The following LINGO1 variants were observed in gnomAD, a reference collection of about 807,000 sequenced individuals.
The protein encoded by LINGO1 is leucine-rich repeat and immunoglobulin-like domain-containing nogo receptor-interacting protein 1.
LINGO1 carries 11 observed loss-of-function variants against 37.3 expected under a neutral mutation model. That is an observed-to-expected ratio of 0.29 (90% confidence interval 0.19 to 0.49). The LOEUF is 0.49. LINGO1 is among the 20% of genes least tolerant of loss of function. LINGO1 has a pLI of 0.99. For synonymous variants in LINGO1, 387 were observed against 403.0 expected, an observed-to-expected ratio of 0.96 and a Z score of 0.48; for missense variants, 585 against 878.2, an observed-to-expected ratio of 0.67 and a Z score of 4.22.
intron 3 of LINGO1, among the ~76,000 whole-genome samples, chr15:77,655,736 G>T (rs543272493): frequency 1.4e-4 from 22 of 152,278 alleles, no homozygotes; most frequent in Admixed American, 3.3e-4. Context: ...TCACACCCAG[G>T]TCTGTCTACC....
At chr15:77,776,552 G>GGCAGGAAAGCAGGAAGGCA (rs2076656202) in intron 1 of LINGO1, among the ~76,000 whole-genome samples, 3 of 145,410 alleles carry the variant, frequency 2.1e-5, no homozygotes, top group Non-Finnish European at 4.5e-5. Flanking sequence ...GAGGGAGGGA[G>GGCAGGAAAGCAGGAAGGCA]GGAGGGAGCT....
chr15:77,798,739 C>A (rs2076893432), intron 1 of LINGO1, among the ~76,000 whole-genome samples: 1 of 152,224 alleles, frequency 6.6e-6, no homozygotes, highest in South Asian at 2.1e-4. Context: ...CTCCTACCTG[C>A]CCTCTTGGCT....
intron 3 of LINGO1, among the ~76,000 whole-genome samples, chr15:77,647,592 C>G (rs2074662213): frequency 6.6e-6 from 1 of 152,152 alleles, no homozygotes; most frequent in Non-Finnish European, 1.5e-5. Flanking sequence ...GCCTTTGAAC[C>G]CAGGTTCCTG....
chr15:77,750,802 C>T (rs537401623), intron 1 of LINGO1, among the ~76,000 whole-genome samples: 23 of 152,306 alleles, frequency 1.5e-4, no homozygotes, highest in Middle Eastern at 6.8e-3. Context: ...TGACATTTAT[C>T]CCACCACTAA....
chr15:77,663,013 T>G (rs1009466), intron 3 of LINGO1, among the ~76,000 whole-genome samples: 2 of 152,070 alleles, frequency 1.3e-5, no homozygotes, highest in Admixed American at 6.5e-5. Flanking sequence ...AAGGTGGGGA[T>G]GCCGGGGGTC....
rs1032185594 is a variant in LINGO1, at chr15:77,622,046, C to T, written c.7-6146G>A. Among the ~76,000 whole-genome samples the T allele has an allele frequency of 2.6e-5, 4 of 152,268 alleles. No homozygotes were observed. The South Asian group carries it at 6.2e-4, about 24-fold the overall frequency. On this transcript the variant is annotated intron_variant, in intron 1 of 1. Coordinates refer to ENST00000355300, the MANE Select transcript of LINGO1 (RefSeq NM_032808.7). ...AAACGAGGTGGGTGTGCGCGGTCCT[C>T]GTCTTGCCTTGATGCCCGCCGTGCC...
In LINGO1 at chr15:77,786,438, T is replaced by C. The variant is rs545325489; in HGVS notation, c.-257+431A>G. Among the ~76,000 whole-genome samples, 301 of 152,224 alleles carry C rather than the reference T, an allele frequency of 2.0e-3. 1 individual carries two copies. The highest frequency in any genetic ancestry group is 6.6e-3 in the African/African-American group (273 of 41,534). On this transcript the variant is annotated intron_variant, in intron 1 of 3. Coordinates refer to the LINGO1 transcript ENST00000561686. ...GCAGGACCCATTCTCCCCTCCCTGG[T>C]GGCCCAGACTGCTGGATGGTCCCCA... is the stretch of plus-strand genomic sequence containing the variant.
intron 2 of LINGO1, among the ~76,000 whole-genome samples, chr15:77,732,533 C>G (rs2076163278): frequency 6.6e-6 from 1 of 152,224 alleles, no homozygotes; most frequent in African/African-American, 2.4e-5. Flanking sequence ...GCAAATGCAC[C>G]CATCCAAGCA....
intron 3 of LINGO1, among the ~76,000 whole-genome samples, chr15:77,661,275 C>T (rs959291877): frequency 1.3e-5 from 2 of 152,138 alleles, no homozygotes; most frequent in African/African-American, 4.8e-5. Context: ...GAAATTAAAG[C>T]AGGAGGGACT....
intron 3 of LINGO1, among the ~76,000 whole-genome samples, chr15:77,662,846 A>G (rs1353729875): frequency 1.3e-5 from 2 of 152,232 alleles, no homozygotes; most frequent in Non-Finnish European, 1.5e-5. Context: ...GCACACGATG[A>G]CAGCAATATT....
At chr15:77,762,937 C>T (rs548562232) in intron 1 of LINGO1, among the ~76,000 whole-genome samples, 1 of 152,202 alleles carries the variant, frequency 6.6e-6, no homozygotes, top group Non-Finnish European at 1.5e-5. Context: ...CACCCCAGCA[C>T]CAGCTCCAGG....
chr15:77,751,818 T>G (rs938134675), intron 1 of LINGO1, among the ~76,000 whole-genome samples: 1 of 152,200 alleles, frequency 6.6e-6, no homozygotes, highest in Non-Finnish European at 1.5e-5. Flanking sequence ...AGCAGGATAC[T>G]TGAGCTCTAG....
intron 2 of LINGO1, among the ~76,000 whole-genome samples, chr15:77,711,389 C>T (rs1013305867): frequency 1.3e-5 from 2 of 152,238 alleles, no homozygotes; most frequent in Non-Finnish European, 2.9e-5. Context: ...AGATTCCATC[C>T]TCCTTTGACA....
intron 3 of LINGO1, among the ~76,000 whole-genome samples, chr15:77,640,964 G>C (rs1018950392): frequency 2.6e-5 from 4 of 152,208 alleles, no homozygotes; most frequent in Admixed American, 2.0e-4. Flanking sequence ...TGGGAGAAGT[G>C]GGGGTGGGGC....
At chr15:77,687,438 C>A (rs1278069145) in intron 2 of LINGO1, among the ~76,000 whole-genome samples, 1 of 152,152 alleles carries the variant, frequency 6.6e-6, no homozygotes, top group Non-Finnish European at 1.5e-5. Flanking sequence ...CATAACCTGT[C>A]CCCCAGGGGC....
upstream of LINGO1, among the ~76,000 whole-genome samples, chr15:77,699,681 T>TTAAGTGCATACTAACCATCCCC: frequency 8.1e-4 from 1 of 1,242 alleles, no homozygotes; most frequent in Non-Finnish European, 1.2e-3. Context: ...AACCATCATC[T>TTAAGTGCATACTAACCATCCCC]GCACACAGTA....
intron 2 of LINGO1, among the ~76,000 whole-genome samples, chr15:77,727,854 T>C (rs1407413456): frequency 6.6e-6 from 1 of 152,074 alleles, no homozygotes; most frequent in Non-Finnish European, 1.5e-5. Flanking sequence ...AGCTGGCAGG[T>C]GGCAATGCGG....
At chr15:77,675,576 T>C (rs116776382) in intron 3 of LINGO1, among the ~76,000 whole-genome samples, 6 of 152,092 alleles carry the variant, frequency 3.9e-5, no homozygotes, top group Admixed American at 2.0e-4. Context: ...GATAAGTACA[T>C]AGAAAAAAGT....
In LINGO1 at chr15:77,613,844, T is replaced by C. The variant is rs1489140602; in HGVS notation, c.*200A>G. On this transcript the variant is annotated 3_prime_UTR_variant, in exon 2 of 2. Coordinates refer to ENST00000355300, the MANE Select transcript of LINGO1 (RefSeq NM_032808.7). ...CCCCTGTGTAGGTGGGGTCCCCAGGTCTGGGCTTCTGAGGTCCTGGTAGAA... is the reference window on the plus strand; with the variant it reads ...CCCCTGTGTAGGTGGGGTCCCCAGGCCTGGGCTTCTGAGGTCCTGGTAGAA... 5.0e-6 allele frequency: 3 copies of C among 599,546 alleles called. No homozygotes were observed. The highest frequency in any genetic ancestry group is 8.8e-6 in the Non-Finnish European group (3 of 340,156). 37.1% of individuals were successfully genotyped at this position (599,546 alleles called of 1,614,324 possible). A position where few individuals can be genotyped will look rare whatever the true frequency, so the allele number is the denominator to read the frequency against.
Sources: gnomAD v4.1 joint callset for allele counts (sites outside exome capture counted in the v4.1 genomes callset) on GRCh38, gnomAD v4.1.1 for gene constraint, MANE v1.5 for transcripts, NCBI Gene and HGNC (gene_info 2026-07-23, HGNC 2026-07-21) for gene names.